The following PTPRQ variants were observed in gnomAD, a reference collection of about 807,000 sequenced individuals.
The protein encoded by PTPRQ is phosphatidylinositol phosphatase PTPRQ.
Under a neutral mutation model 246.0 loss-of-function variants are expected in PTPRQ, and 199 were observed. That is an observed-to-expected ratio of 0.81 (90% confidence interval 0.72 to 0.91). The LOEUF is 0.91. Among genes scored for constraint, PTPRQ ranks in the 40% least tolerant of loss-of-function variants. PTPRQ has a pLI of 0.00. For synonymous variants in PTPRQ, 869 were observed against 853.2 expected (o/e 1.02, Z -0.32); for missense variants, 2,624 against 2,528.4 (o/e 1.04, Z -0.81).
intron 25 of PTPRQ, among the ~76,000 whole-genome samples, chr12:80,556,803 C>T (rs1396576073): frequency 2.6e-5 from 4 of 152,010 alleles, no homozygotes; most frequent in Non-Finnish European, 5.9e-5. Context: ...CAAGATACAG[C>T]AAGAGAAAAC....
chr12:80,593,978 G>A (rs1317852546), intron 26 of PTPRQ, among the ~76,000 whole-genome samples: 1 of 151,386 alleles, frequency 6.6e-6, no homozygotes, highest in Non-Finnish European at 1.5e-5. Flanking sequence ...GAAAACCACA[G>A]GATACCATAC....
intron 16 of PTPRQ, among the ~76,000 whole-genome samples, chr12:80,509,275 A>T (rs11114489): frequency 6.6e-6 from 1 of 152,080 alleles, no homozygotes; most frequent in South Asian, 2.1e-4. Flanking sequence ...GAAAACATGC[A>T]CACATGGGAA....
At chr12:80,675,165 A>G (rs1901096202) in intron 43 of PTPRQ, among the ~76,000 whole-genome samples, 1 of 152,170 alleles carries the variant, frequency 6.6e-6, no homozygotes, top group African/African-American at 2.4e-5. Flanking sequence ...CTTCATGGGT[A>G]GGCAACATGG....
intron 8 of PTPRQ, among the ~76,000 whole-genome samples, chr12:80,478,308 C>G (rs1278935094): frequency 7.9e-5 from 12 of 151,972 alleles, no homozygotes; most frequent in Admixed American, 7.9e-4. Flanking sequence ...AACAGACCTG[C>G]AGCTGAGGGT....
Position 80,444,246 on chromosome 12 carries a change from G to A in PTPRQ, c.-100G>A, listed in dbSNP as rs1451546308. 3.4e-6 allele frequency: 2 copies of A among 587,518 alleles called. No individual in the cohort carries two copies. The highest frequency in any genetic ancestry group is 4.0e-5 in the African/African-American group (2 of 50,070). The allele number at this position is 587,518 out of a possible 1,614,324, so 36.4% of individuals were successfully genotyped here. A position where few individuals can be genotyped will look rare whatever the true frequency, so the allele number is the denominator to read the frequency against. On this transcript the variant is annotated 5_prime_UTR_variant, in exon 1 of 45. In the 5' UTR this introduces an upstream ATG that the reference lacks. Transcript: ENST00000644991. ...ATTGAGTAATATGGGCTCATTAATT[G>A]TGTACTTGCCAGAAGGATCTGTCTT...
intron 26 of PTPRQ, among the ~76,000 whole-genome samples, chr12:80,603,327 C>T (rs1565812933): frequency 6.6e-6 from 1 of 151,640 alleles, no homozygotes; most frequent in Non-Finnish European, 1.5e-5. Context: ...CCTGAGTTGT[C>T]TTCCTAAATC....
chr12:80,642,918 T>TCAAAA lies in PTPRQ; in HGVS notation c.5916-5979_5916-5978insCAAAA, dbSNP rs1400331385. 6.3e-4 allele frequency among the ~76,000 whole-genome samples: 44 copies of TCAAAA among 69,364 alleles called. 4 individuals carry two copies. The highest frequency in any genetic ancestry group is 5.0e-3 in the African/African-American group (38 of 7,538). The allele number at this position is 69,364 out of a possible 152,430, so 45.5% of individuals were successfully genotyped here. On this transcript the variant is annotated intron_variant, in intron 35 of 44. Transcript: ENST00000644991. ...CTGGGCGACAGAGCGAGACTCCGTCTTAAAAAAAAAAAAAAAAAAAAAAAA... is the reference window on the plus strand; with the variant it reads ...CTGGGCGACAGAGCGAGACTCCGTCTCAAAATAAAAAAAAAAAAAAAAAAAAAAAA...
chr12:80,649,748 AGCAAG>A, intron 37 of PTPRQ, 79 bp downstream of exon 37: 1 of 1,473,146 alleles, frequency 6.8e-7, no homozygotes, highest in Non-Finnish European at 9.0e-7. Flanking sequence ...ATTTTAAGCA[AGCAAG>A]GCCATGAAGG....
chr12:80,613,530 T>A (rs1020612184), intron 28 of PTPRQ, 62 bp from the exon 29 acceptor site: 26 of 1,412,442 alleles, frequency 1.8e-5, no homozygotes, highest in Non-Finnish European at 2.3e-5. Context: ...CAAATAAATT[T>A]ATGTGGAGAT....
intron 27 of PTPRQ, 23 bp downstream of exon 27, chr12:80,605,203 TA>T: frequency 6.5e-7 from 1 of 1,534,332 alleles, no homozygotes; most frequent in African/African-American, 1.4e-5. Context: ...TTACCTTCTG[TA>T]AAAGCCAGTA....
intron 35 of PTPRQ, among the ~76,000 whole-genome samples, chr12:80,637,985 A>T (rs1169201545): frequency 1.3e-5 from 2 of 152,108 alleles, no homozygotes; most frequent in African/African-American, 4.8e-5. Flanking sequence ...CCCAGCTAAT[A>T]GGCTGGGCAT....
chr12:80,604,823 A>G (rs946054067), intron 26 of PTPRQ, among the ~76,000 whole-genome samples: 15 of 151,548 alleles, frequency 9.9e-5, no homozygotes, highest in Admixed American at 9.9e-4. Flanking sequence ...AAAATAATGA[A>G]CTTATGATTT....
At chr12:80,655,270 C>A (rs1162461479) in intron 38 of PTPRQ, among the ~76,000 whole-genome samples, 3 of 152,122 alleles carry the variant, frequency 2.0e-5, no homozygotes, top group Non-Finnish European at 4.4e-5. Flanking sequence ...TGACTCTGGA[C>A]ATTTTATTCA....
chr12:80,673,630 A>T (rs1013456266), intron 43 of PTPRQ, among the ~76,000 whole-genome samples: 1 of 152,170 alleles, frequency 6.6e-6, no homozygotes, highest in Non-Finnish European at 1.5e-5. Context: ...TCAAATCAAT[A>T]TCTTTTGAAT....
chr12:80,493,461 T>A lies in PTPRQ; in HGVS notation c.1540+6T>A. On this transcript the variant is annotated splice_donor_region_variant and intron_variant, in intron 10 of 44. Transcript: ENST00000644991. ...AGACCAGACTTCACCAGTTGGTAGG[T>A]AGAATTTTGATTTTCTATAAAGTTC... 1 of 1,545,862 alleles carries A rather than the reference T, an allele frequency of 6.5e-7. No individual in the cohort carries two copies. The highest frequency in any genetic ancestry group is 8.7e-7 in the Non-Finnish European group (1 of 1,144,030).
rs1401766648 is a variant in PTPRQ at position 80,545,068 on chromosome 12, A to G, written c.3874-1488A>G. Among the ~76,000 whole-genome samples the G allele has an allele frequency of 2.6e-5, 4 of 152,258 alleles. No homozygotes were observed. The East Asian group carries it at 5.8e-4, about 22-fold the overall frequency. ...TCACTATCCCATAAACTATTCTCTT[A>G]TTATTATGCCCTCTTGGGTTCAGTT... On this transcript the variant is annotated intron_variant, in intron 23 of 44. Coordinates refer to ENST00000644991, the MANE Select transcript of PTPRQ (RefSeq NM_001145026.2).
chr12:80,571,874 T>C, intron 25 of PTPRQ, among the ~76,000 whole-genome samples: 1 of 152,282 alleles, frequency 6.6e-6, no homozygotes, highest in Middle Eastern at 3.4e-3. Context: ...ATTCCATTGA[T>C]TTATTTATCT....
chr12:80,521,146 G>A (rs1895469479), intron 17 of PTPRQ, among the ~76,000 whole-genome samples: 1 of 152,144 alleles, frequency 6.6e-6, no homozygotes, highest in Non-Finnish European at 1.5e-5. Context: ...TCTTTTGGCT[G>A]CATAAATGTC....
chr12:80,616,330 A>C lies in PTPRQ; in HGVS notation c.5230+64A>C. The C allele has an allele frequency of 5.7e-6, 8 of 1,405,632 alleles. No homozygotes were observed. The South Asian group carries it at 1.2e-4, about 22-fold the overall frequency. 87.1% of individuals were successfully genotyped at this position (1,405,632 alleles called of 1,614,324 possible). ...TCAGTGATTATAATTTAAATTCCAT[A>C]CTTGAAATAAGGATGTAGACAAGCC... On this transcript the variant is annotated intron_variant, in intron 30 of 44. Coordinates refer to ENST00000644991, the MANE Select transcript of PTPRQ (RefSeq NM_001145026.2).
Sources: allele counts gnomAD v4.1 joint callset (sites outside exome capture counted in the v4.1 genomes callset), GRCh38; gene constraint gnomAD v4.1.1; transcripts MANE v1.5; gene names NCBI Gene and HGNC (gene_info 2026-07-23, HGNC 2026-07-21).